AFF2: variants seen among roughly 807,000 people sequenced by gnomAD.
The protein encoded by AFF2 is ALF transcription elongation factor 2.
AFF2 carries 14 observed loss-of-function variants against 76.9 expected under a neutral mutation model. The ratio of observed to expected loss-of-function variants is 0.18; its 90% CI spans 0.12 to 0.28. AFF2 has a LOEUF of 0.28. AFF2 is among the 10% of genes least tolerant of loss of function. The probability of loss-of-function intolerance (pLI) is 1.00; values close to 1 mark genes in which losing one functional copy is unlikely to be tolerated. For synonymous variants in AFF2, 398 were observed against 366.7 expected, an observed-to-expected ratio of 1.09 and a Z score of -0.98; for missense variants, 868 against 1,001.1, an observed-to-expected ratio of 0.87 and a Z score of 1.79.
chrX:148,584,794 C>T lies in AFF2; in HGVS notation c.48-67205C>T, dbSNP rs377409176. 6.4e-4 allele frequency among the ~76,000 whole-genome samples: 71 copies of T among 110,715 alleles called. 1 individual carries two copies. In the South Asian group the frequency reaches 0.027, roughly 41 times the overall value. Reference sequence around the variant, plus strand: ...GACCTCGTGATCCGCCCGCCTCGGCCTCCCATTGTGCTGGGATTACAGATG... The same window carrying T: ...GACCTCGTGATCCGCCCGCCTCGGCTTCCCATTGTGCTGGGATTACAGATG... On this transcript the variant is annotated intron_variant, in intron 1 of 20. Transcript: ENST00000370460.
chrX:148,508,990 G>C (rs2052453681), intron 1 of AFF2, among the ~76,000 whole-genome samples: 1 of 111,225 alleles, frequency 9.0e-6, no homozygotes, highest in Non-Finnish European at 1.9e-5. Flanking sequence ...GCAAAGCCGG[G>C]TCAGGAGCCC....
intron 1 of AFF2, among the ~76,000 whole-genome samples, chrX:148,650,763 G>A (rs1336259429): frequency 9.0e-6 from 1 of 111,695 alleles, no homozygotes; most frequent in Non-Finnish European, 1.9e-5. Context: ...TATGTTCTAG[G>A]TTCTTTGAGC....
intron 3 of AFF2, among the ~76,000 whole-genome samples, chrX:148,804,715 T>A (rs180714564): frequency 2.1e-3 from 231 of 112,428 alleles, no homozygotes; most frequent in African/African-American, 7.2e-3. Flanking sequence ...ATGTAACTGT[T>A]GTGAAATCGT....
At chrX:148,923,783 A>G (rs1452655503) in intron 9 of AFF2, among the ~76,000 whole-genome samples, 9 of 111,948 alleles carry the variant, frequency 8.0e-5, no homozygotes, top group Non-Finnish European at 1.3e-4. Flanking sequence ...TCCACAGTGT[A>G]CCAAATATTC....
At chrX:148,550,219 A>G (rs1557238712) in intron 1 of AFF2, among the ~76,000 whole-genome samples, 1 of 112,197 alleles carries the variant, frequency 8.9e-6, no homozygotes, top group Non-Finnish European at 1.9e-5. Flanking sequence ...GTATATTTGC[A>G]GAGAATAATT....
intron 1 of AFF2, among the ~76,000 whole-genome samples, chrX:148,614,769 TCTTTCTTTCTTTCTTTCTTTCTTC>T (rs2124408459): frequency 1.2e-5 from 1 of 80,178 alleles, no homozygotes; most frequent in Admixed American, 1.3e-4. Flanking sequence ...TTTCTTTCTT[TCTTTCTTTCTTTCTTTCTTTCTTC>T]CTTTCTCTCT....
chrX:148,549,956 A>G (rs2052972000), intron 1 of AFF2, among the ~76,000 whole-genome samples: 1 of 111,845 alleles, frequency 8.9e-6, no homozygotes, highest in Admixed American at 9.5e-5. Context: ...CGCCCCATAC[A>G]ATTCTGTGGC....
At chrX:148,907,745 C>T (rs1422005801) in intron 9 of AFF2, among the ~76,000 whole-genome samples, 3 of 111,395 alleles carry the variant, frequency 2.7e-5, no homozygotes, top group South Asian at 7.7e-4. Context: ...AATGAAGTTT[C>T]GGGCACGCAT....
At chrX:148,772,361 A>G (rs920336628) in intron 3 of AFF2, among the ~76,000 whole-genome samples, 9 of 112,138 alleles carry the variant, frequency 8.0e-5, no homozygotes, top group African/African-American at 2.9e-4. Context: ...AGAAAGGATT[A>G]TAGAGGCATC....
At chrX:148,966,339 AG>A (rs2072171788) in intron 13 of AFF2, among the ~76,000 whole-genome samples, 1 of 111,297 alleles carries the variant, frequency 9.0e-6, no homozygotes, top group Non-Finnish European at 1.9e-5. Flanking sequence ...CCCTAGAGAA[AG>A]CTTCTGGGTT....
intron 3 of AFF2, among the ~76,000 whole-genome samples, chrX:148,774,257 G>A (rs1040009704): frequency 7.2e-5 from 8 of 111,843 alleles, no homozygotes; most frequent in East Asian, 5.6e-4. Context: ...ATTATTTAGC[G>A]CAAGAGGAAA....
chrX:148,724,325 A>G (rs1366993169), intron 3 of AFF2, among the ~76,000 whole-genome samples: 1 of 110,819 alleles, frequency 9.0e-6, no homozygotes, highest in East Asian at 2.9e-4. Context: ...GGAGTCTAAC[A>G]CCCAATGGCC....
intron 15 of AFF2, among the ~76,000 whole-genome samples, chrX:148,968,185 G>A (rs1211519136): frequency 1.8e-5 from 2 of 110,888 alleles, no homozygotes; most frequent in Non-Finnish European, 3.8e-5. Context: ...GTTAGGCTGG[G>A]GCCCCAAGCA....
intron 3 of AFF2, among the ~76,000 whole-genome samples, chrX:148,772,448 G>A (rs1300925428): frequency 4.5e-5 from 5 of 110,644 alleles, no homozygotes; most frequent in Admixed American, 1.9e-4. Flanking sequence ...TGAGTTTAAC[G>A]TTGGCTGTAT....
At position 148,818,921 on chromosome X, in the gene AFF2, C is replaced by T. The variant is rs180724041; in HGVS notation, c.1086+9001C>T. ...GCCTTAGAGAGGTTGAAAATTGCCC[C>T]GAATCATATATTCATATGGTTATGA... On this transcript the variant is annotated intron_variant, in intron 4 of 20. Coordinates refer to ENST00000370460, the MANE Select transcript of AFF2 (RefSeq NM_002025.4). 2.2e-3 allele frequency among the ~76,000 whole-genome samples: 249 copies of T among 110,826 alleles called. 2 individuals are homozygous for T. The highest frequency in any genetic ancestry group is 7.6e-3 in the African/African-American group (232 of 30,561).
chrX:148,891,945 AT>A (rs1197838157), intron 8 of AFF2, among the ~76,000 whole-genome samples: 1 of 112,199 alleles, frequency 8.9e-6, no homozygotes, highest in Non-Finnish European at 1.9e-5. Context: ...TTCAGAAAAC[AT>A]TTGATATGAC....
intron 1 of AFF2, among the ~76,000 whole-genome samples, chrX:148,538,064 A>G (rs939324752): frequency 9.8e-5 from 11 of 112,687 alleles, no homozygotes; most frequent in Admixed American, 7.5e-4. Flanking sequence ...CTTCAGTGTC[A>G]TTAGACCAAC....
At chrX:148,949,964 T>G (rs2071945959) in intron 9 of AFF2, among the ~76,000 whole-genome samples, 1 of 112,686 alleles carries the variant, frequency 8.9e-6, no homozygotes. Context: ...CATAACCACT[T>G]TCATGTACAT....
At chrX:148,613,963 C>T (rs1010188438) in intron 1 of AFF2, among the ~76,000 whole-genome samples, 19 of 111,794 alleles carry the variant, frequency 1.7e-4, no homozygotes, top group African/African-American at 2.6e-4. Context: ...GCTTTGGCAC[C>T]GGTTCATTAA....
Sources: allele counts gnomAD v4.1 joint callset (sites outside exome capture counted in the v4.1 genomes callset), GRCh38; gene constraint gnomAD v4.1.1; transcripts MANE v1.5; gene names NCBI Gene and HGNC (gene_info 2026-07-23, HGNC 2026-07-21).